Variants in DYNC2H1 observed in about 807,000 individuals in gnomAD.
DYNC2H1 encodes dynein cytoplasmic 2 heavy chain 1.
Under a neutral mutation model 570.0 loss-of-function variants are expected in DYNC2H1, and 410 were observed. That is an observed-to-expected ratio of 0.72 (90% CI 0.66 to 0.78). The LOEUF (loss-of-function observed/expected upper bound fraction) is 0.78, where lower values mean the gene tolerates loss of function less well. DYNC2H1 is among the 30% of genes least tolerant of loss of function. The pLI is 0.00. For synonymous variants in DYNC2H1, 1,688 were observed against 1,677.6 expected (o/e 1.01, Z -0.15); for missense variants, 4,865 against 5,046.4 (o/e 0.96, Z 1.09).
chr11:103,228,162 G>T lies in DYNC2H1; in HGVS notation c.9354-3098G>T, dbSNP rs1183154372. ...TCTGCCATTGTGTATCTTTTAAGTG[G>T]AGCATTTACGCCATTTACGTTCAGT... On this transcript the variant is annotated intron_variant, in intron 59 of 88. Coordinates refer to ENST00000375735, the MANE Select transcript of DYNC2H1 (RefSeq NM_001377.3). This position sits in a 1 kb window ranked among gnomAD's most constrained non-coding sequence, Gnocchi z 6.1. 6.6e-6 allele frequency among the ~76,000 whole-genome samples: 1 copy of T among 152,144 alleles called. No individual in the cohort carries two copies. Among genetic ancestry groups the T allele is most frequent in the Non-Finnish European group, 1.5e-5 (1 of 68,028 alleles).
rs1460732849 is a variant in DYNC2H1 at position 103,466,083 on chromosome 11, G to A, written c.12649-2506G>A. Among the ~76,000 whole-genome samples, 3 of 151,062 alleles carry A rather than the reference G, an allele frequency of 2.0e-5. No individual in the cohort carries two copies. The East Asian group carries it at 5.9e-4, about 29-fold the overall frequency. ...TTGAGACAGTATGGTGCTGGTTTAG[G>A]GAACGACAGACTAATGTAACACAAA... On this transcript the variant is annotated intron_variant, in intron 87 of 88. Coordinates refer to ENST00000375735, the MANE Select transcript of DYNC2H1 (RefSeq NM_001377.3).
Position 103,465,150 on chromosome 11 carries a change from G to GA in DYNC2H1, c.12649-3432dup, listed in dbSNP as rs1279690591. Among the ~76,000 whole-genome samples, 4 of 151,972 alleles carry GA rather than the reference G, an allele frequency of 2.6e-5. No individual in the cohort carries two copies. In the East Asian group the frequency reaches 7.7e-4, roughly 29 times the overall value. ...GAGAAAAAGCAAAAAAAGGTAAAGA[G>GA]AAAAAAATATAAAATGGGAATAATA... On this transcript the variant is annotated intron_variant, in intron 87 of 88. Transcript: ENST00000375735. The surrounding 1 kb of genome is among the most constrained non-coding windows in gnomAD (Gnocchi z 4.9).
chr11:103,304,754 TATACTC>T (rs1272067141), intron 77 of DYNC2H1, 34 bp downstream of exon 77: 2 of 1,593,890 alleles, frequency 1.3e-6, no homozygotes, highest in Non-Finnish European at 1.7e-6. Context: ...TAATATCTAT[TATACTC>T]AACTTAGCAA....
chr11:103,258,275 C>G (rs1865142460), intron 69 of DYNC2H1, among the ~76,000 whole-genome samples: 4 of 152,174 alleles, frequency 2.6e-5, no homozygotes. Context: ...TTATGGACAG[C>G]TTTCCTACCA....
chr11:103,197,858 T>A, intron 47 of DYNC2H1, 75 bp from the exon 48 acceptor site: 1 of 1,455,212 alleles, frequency 6.9e-7, no homozygotes, highest in South Asian at 1.3e-5. Flanking sequence ...TAAAAATGTT[T>A]TAGTAGGCAA....
At chr11:103,187,196 C>A (rs996935955) in intron 42 of DYNC2H1, 144 bp from the exon 43 acceptor site, 24 of 1,132,848 alleles carry the variant, frequency 2.1e-5, no homozygotes, top group Non-Finnish European at 2.8e-5. Flanking sequence ...GTTATGGAAG[C>A]CATATCTGTA....
At chr11:103,141,059 G>C (rs1859891796) in intron 17 of DYNC2H1, among the ~76,000 whole-genome samples, 1 of 152,018 alleles carries the variant, frequency 6.6e-6, no homozygotes, top group African/African-American at 2.4e-5. Flanking sequence ...AGCTCCATCA[G>C]CTCCTTTAAG....
chr11:103,388,927 G>A lies in DYNC2H1; in HGVS notation c.12157-10736G>A, dbSNP rs550690521. On this transcript the variant is annotated intron_variant, in intron 83 of 88. Coordinates refer to ENST00000375735, the MANE Select transcript of DYNC2H1 (RefSeq NM_001377.3). ...TGCCAGTATTTTATTGAGGATTTTTGCATTGATGTTCATCAGGGATATTGT... is the reference window on the plus strand; with the variant it reads ...TGCCAGTATTTTATTGAGGATTTTTACATTGATGTTCATCAGGGATATTGT... Among the ~76,000 whole-genome samples, 3 of 152,226 alleles carry A rather than the reference G, an allele frequency of 2.0e-5. No individual in the cohort carries two copies. The East Asian group carries it at 5.8e-4, about 29-fold the overall frequency.
intron 82 of DYNC2H1, among the ~76,000 whole-genome samples, chr11:103,333,582 C>T (rs1177202687): frequency 6.6e-6 from 1 of 152,162 alleles, no homozygotes; most frequent in Non-Finnish European, 1.5e-5. Context: ...AAACTCAGTT[C>T]TACTATACTG....
At chr11:103,456,640 G>A (rs879814011) in intron 87 of DYNC2H1, among the ~76,000 whole-genome samples, 3 of 152,070 alleles carry the variant, frequency 2.0e-5, no homozygotes, top group Non-Finnish European at 4.4e-5. Flanking sequence ...TACCTTACCT[G>A]TTCTAAAATT....
At position 103,187,364 on chromosome 11, in the gene DYNC2H1, A is replaced by G. The variant is rs368824340; in HGVS notation, c.6918A>G (p.Ser2306=). ...GKGMLLRYAF[S]QLRSTQIATV... ...GGATGCTGCTCAGGTACGCATTTTC[A>G]CAACTCCGGTCCACTCAAATTGCTA... The change falls in exon 43 of 89, where the codon TCA becomes TCG. Residue 2306 remains serine, a synonymous_variant. Coordinates refer to ENST00000375735, the MANE Select transcript of DYNC2H1 (RefSeq NM_001377.3). 1.5e-4 allele frequency: 241 copies of G among 1,613,010 alleles called. 1 individual carries two copies. The African/African-American group carries it at 3.0e-3, about 20-fold the overall frequency.
chr11:103,450,065 A>T (rs1164327685), intron 85 of DYNC2H1, among the ~76,000 whole-genome samples: 3 of 152,184 alleles, frequency 2.0e-5, no homozygotes, highest in Non-Finnish European at 4.4e-5. Flanking sequence ...TATATTAAAT[A>T]TTGAGCAAAA....
chr11:103,440,003 A>G (rs1325161897), intron 85 of DYNC2H1, among the ~76,000 whole-genome samples: 1 of 152,026 alleles, frequency 6.6e-6, no homozygotes, highest in Non-Finnish European at 1.5e-5. Flanking sequence ...TGTGATGATC[A>G]TTCTAAATTC....
chr11:103,287,650 T>C, intron 75 of DYNC2H1, 45 bp downstream of exon 75: 1 of 1,493,340 alleles, frequency 6.7e-7, no homozygotes, highest in Non-Finnish European at 9.1e-7. Flanking sequence ...ACCTGAATTA[T>C]TTGTTTTTAA....
At chr11:103,422,408 A>G (rs901094265) in intron 84 of DYNC2H1, among the ~76,000 whole-genome samples, 2 of 152,204 alleles carry the variant, frequency 1.3e-5, no homozygotes, top group African/African-American at 4.8e-5. Flanking sequence ...TTAGGCCAAT[A>G]TCCTTGATGA....
chr11:103,188,183 C>A (rs1591379611), intron 43 of DYNC2H1, among the ~76,000 whole-genome samples: 1 of 151,912 alleles, frequency 6.6e-6, no homozygotes, highest in African/African-American at 2.4e-5. Flanking sequence ...ATATTTTTCT[C>A]ATATTTTTCC....
rs376727602 is a variant in DYNC2H1 at position 103,134,317 on chromosome 11, A to G, written c.2107-4A>G. ...TGAGACTAGCATGCTCTAATTTTTC[A>G]TAGGTGGTTGTTCTTATGAATATTG... On this transcript the variant is annotated splice_region_variant and splice_polypyrimidine_tract_variant and intron_variant, in intron 14 of 88. Coordinates refer to ENST00000375735, the MANE Select transcript of DYNC2H1 (RefSeq NM_001377.3). The G allele has an allele frequency of 6.2e-7, 1 of 1,612,352 alleles. No homozygotes were observed. Among genetic ancestry groups the G allele is most frequent in the Non-Finnish European group, 8.5e-7 (1 of 1,178,840 alleles).
intron 48 of DYNC2H1, among the ~76,000 whole-genome samples, 166 bp downstream of exon 48, chr11:103,198,229 C>A (rs186590453): frequency 6.5e-4 from 99 of 152,188 alleles, no homozygotes; most frequent in Admixed American, 4.8e-3. Context: ...ACGAGATGTG[C>A]CTGTACTTAC....
intron 82 of DYNC2H1, among the ~76,000 whole-genome samples, chr11:103,351,823 A>G (rs1940071182): frequency 6.6e-6 from 1 of 152,094 alleles, no homozygotes; most frequent in African/African-American, 2.4e-5. Context: ...CTCTGAAAAA[A>G]TTATTTGTTT....
Sources: gnomAD v4.1 joint callset for allele counts (sites outside exome capture counted in the v4.1 genomes callset) on GRCh38, gnomAD v4.1.1 for gene constraint, Gnocchi (gnomAD v3.1) non-coding constraint, MANE v1.5 for transcripts, NCBI Gene and HGNC (gene_info 2026-07-23, HGNC 2026-07-21) for gene names.